Variants in DOCK1 observed in about 807,000 individuals in gnomAD.
DOCK1 encodes dedicator of cytokinesis protein 1.
In DOCK1, 138 loss-of-function variants were observed where a neutral mutation model predicts 262.7. That is an observed-to-expected ratio of 0.53 (90% CI 0.46 to 0.61). The LOEUF is 0.61. Among genes scored for constraint, DOCK1 ranks in the 20% least tolerant of loss-of-function variants. The pLI is 0.00. For missense variants in DOCK1, 1,908 were observed against 2,370.7 expected (o/e 0.80, Z 4.05); for synonymous variants, 866 against 867.4 (o/e 1.00, Z 0.03).
chr10:127,012,231 G>A lies in DOCK1; in HGVS notation c.1059-1G>A. ...GGTCTTGGTCGTCCCGTGCCCTCCA[G>A]GCTCGCGTTGGACGACGCCATTCGA... On this transcript the variant is annotated splice_acceptor_variant, in intron 11 of 51. Coordinates refer to ENST00000623213, the MANE Select transcript of DOCK1 (RefSeq NM_001290223.2). LOFTEE classifies it high-confidence loss of function. The surrounding 1 kb of genome is among the most constrained non-coding windows in gnomAD (Gnocchi z 4.0). The A allele has an allele frequency of 6.4e-7, 1 of 1,564,122 alleles. No homozygotes were observed. The highest frequency in any genetic ancestry group is 8.8e-7 in the Non-Finnish European group (1 of 1,134,696).
In DOCK1 at chr10:127,241,714, A is replaced by T. The variant is rs549811755; in HGVS notation, c.2848-6294A>T. Reference sequence around the variant, plus strand: ...TAAGCCTCCTTGCTGATATGCTGGGAGCTGAGCAGAAAAGAGAGAGGGGAG... The same window carrying T: ...TAAGCCTCCTTGCTGATATGCTGGGTGCTGAGCAGAAAAGAGAGAGGGGAG... On this transcript the variant is annotated intron_variant, in intron 27 of 51. Coordinates refer to ENST00000623213, the MANE Select transcript of DOCK1 (RefSeq NM_001290223.2). 2.7e-4 allele frequency among the ~76,000 whole-genome samples: 41 copies of T among 152,178 alleles called. No homozygotes were observed. In the South Asian group the frequency reaches 8.1e-3, roughly 30 times the overall value.
chr10:127,022,641 C>T (rs1480172627), intron 13 of DOCK1, among the ~76,000 whole-genome samples: 2 of 152,148 alleles, frequency 1.3e-5, no homozygotes, highest in Non-Finnish European at 2.9e-5. Context: ...AGTGATCTAC[C>T]CACCTCGGCA....
At chr10:127,123,277 A>T (rs919773088) in intron 25 of DOCK1, among the ~76,000 whole-genome samples, 5 of 47,572 alleles carry the variant, frequency 1.1e-4, no homozygotes, top group Admixed American at 8.6e-4. Context: ...TTGGAAATTC[A>T]GCTTGTTTTC....
chr10:127,138,030 A>G, intron 27 of DOCK1: 3 of 1,597,836 alleles, frequency 1.9e-6, no homozygotes, highest in Non-Finnish European at 2.6e-6. Context: ...ACTAGAAAAG[A>G]GAGAGAGTGA....
chr10:127,268,293 C>T (rs1430235576), intron 29 of DOCK1, among the ~76,000 whole-genome samples: 2 of 151,568 alleles, frequency 1.3e-5, no homozygotes, highest in East Asian at 1.9e-4. Context: ...CGAGGGAGTT[C>T]GAGACCAGCC....
chr10:127,304,934 TTTTTTTG>T (rs1243009492), intron 29 of DOCK1, among the ~76,000 whole-genome samples: 3 of 152,286 alleles, frequency 2.0e-5, no homozygotes, highest in Admixed American at 6.5e-5. Flanking sequence ...TACCTTAGGC[TTTTTTTG>T]TTTTTTGTTT....
At chr10:127,331,341 G>C (rs182644898) in intron 29 of DOCK1, among the ~76,000 whole-genome samples, 1 of 152,108 alleles carries the variant, frequency 6.6e-6, no homozygotes, top group Non-Finnish European at 1.5e-5. Flanking sequence ...GGAGTGCAGC[G>C]GCGCGATCCA....
At chr10:127,420,220 C>T (rs1266793732) in intron 46 of DOCK1, among the ~76,000 whole-genome samples, 1 of 152,214 alleles carries the variant, frequency 6.6e-6, no homozygotes. Flanking sequence ...GTTTTCCCAG[C>T]TGAAGTTGTG....
chr10:127,417,436 CAGG>C (rs71835763), intron 44 of DOCK1, among the ~76,000 whole-genome samples: 14,191 of 152,200 alleles, frequency 0.093, 770 homozygotes, highest in South Asian at 0.16. Flanking sequence ...GCACTGGAGC[CAGG>C]AGGACAGTGG....
chr10:127,114,759 C>CTT (rs57979480), intron 25 of DOCK1, among the ~76,000 whole-genome samples: 1 of 108,302 alleles, frequency 9.2e-6, no homozygotes, highest in African/African-American at 3.4e-5. Flanking sequence ...TTTTTTCTTT[C>CTT]TTTTTTTTTT....
intron 27 of DOCK1, among the ~76,000 whole-genome samples, chr10:127,207,299 T>C (rs2057769040): frequency 1.3e-5 from 2 of 152,176 alleles, no homozygotes; most frequent in Admixed American, 6.5e-5. Flanking sequence ...AGGCAGCAAG[T>C]ACAGGGCGGT....
chr10:127,372,039 A>G (rs2065235850), intron 33 of DOCK1, among the ~76,000 whole-genome samples: 1 of 152,178 alleles, frequency 6.6e-6, no homozygotes, highest in African/African-American at 2.4e-5. Flanking sequence ...GACAGAATCA[A>G]AAAGAAGTGT....
chr10:127,401,679 C>T (rs1045464175), intron 38 of DOCK1, among the ~76,000 whole-genome samples: 3 of 152,108 alleles, frequency 2.0e-5, no homozygotes, highest in African/African-American at 7.2e-5. Context: ...TGGGAAACTG[C>T]CTTTCCCTGG....
At chr10:127,097,303 C>G (rs1238346093) in intron 23 of DOCK1, among the ~76,000 whole-genome samples, 3 of 152,090 alleles carry the variant, frequency 2.0e-5, no homozygotes, top group Non-Finnish European at 4.4e-5. Context: ...CGATGAGTTC[C>G]TGATTGCCTG....
intron 27 of DOCK1, among the ~76,000 whole-genome samples, chr10:127,225,893 A>G (rs1016189792): frequency 2.6e-5 from 4 of 152,246 alleles, no homozygotes; most frequent in South Asian, 2.1e-4. Context: ...CCTGACTAAC[A>G]TGGTGAAAAC....
intron 13 of DOCK1, among the ~76,000 whole-genome samples, chr10:127,019,740 C>A (rs2042279711): frequency 6.6e-6 from 1 of 152,164 alleles, no homozygotes; most frequent in African/African-American, 2.4e-5. Flanking sequence ...CAGATTGAGA[C>A]CCTGTCTCAA....
intron 29 of DOCK1, among the ~76,000 whole-genome samples, chr10:127,300,272 C>A (rs76584558): frequency 6.6e-6 from 1 of 152,148 alleles, no homozygotes; most frequent in Admixed American, 6.5e-5. Flanking sequence ...GCTTCTTTCG[C>A]GCTGCCTCTC....
intron 23 of DOCK1, among the ~76,000 whole-genome samples, chr10:127,083,670 G>C (rs1366836861): frequency 6.6e-6 from 1 of 152,138 alleles, no homozygotes; most frequent in Non-Finnish European, 1.5e-5. Flanking sequence ...TCTGTTTTCT[G>C]TTTTTCCTAA....
At chr10:127,364,958 TTTC>T (rs1422865632) in intron 33 of DOCK1, among the ~76,000 whole-genome samples, 1 of 152,194 alleles carries the variant, frequency 6.6e-6, no homozygotes, top group Non-Finnish European at 1.5e-5. Flanking sequence ...GCTGTTTTTG[TTTC>T]TCTGGCTCAC....
Sources: allele counts gnomAD v4.1 joint callset (sites outside exome capture counted in the v4.1 genomes callset), GRCh38; gene constraint gnomAD v4.1.1; non-coding constraint Gnocchi (gnomAD v3.1); transcripts MANE v1.5; gene names NCBI Gene and HGNC (gene_info 2026-07-23, HGNC 2026-07-21).